Variants in ULK4 observed in about 807,000 individuals in gnomAD.
ULK4 encodes unc-51 like kinase 4.
ULK4 carries 133 observed loss-of-function variants against 160.6 expected under a neutral mutation model. That is an observed-to-expected ratio of 0.83 (90% CI 0.72 to 0.96). ULK4 has a LOEUF of 0.96. ULK4 is among the 40% of genes least tolerant of loss of function. The pLI, the probability that ULK4 is intolerant of heterozygous loss-of-function variation, is 0.00. For missense variants in ULK4, 1,580 were observed against 1,499.5 expected, an observed-to-expected ratio of 1.05 and a Z score of -0.89; for synonymous variants, 534 against 539.8, an observed-to-expected ratio of 0.99 and a Z score of 0.15.
chr3:41,800,142 G>A lies in ULK4; in HGVS notation c.2000C>T (p.Thr667Ile). ...GATGCTTCATCTTACCGATACTGCT[G>A]TTATCCTAAGAGAATCAGCAGTGGA... Reference protein sequence around the residue: ...RHSTADSLRITAVSALCRITR... With the variant: ...RHSTADSLRIIAVSALCRITR... The change falls in exon 20 of 37, where the codon ACA becomes ATA. Residue 667 changes from threonine (T) to isoleucine (I), a missense_variant. Transcript: ENST00000301831. 1 of 1,607,354 alleles carries A rather than the reference G, an allele frequency of 6.2e-7. No individual in the cohort carries two copies.
chr3:41,925,367 C>T (rs983027996), intron 5 of ULK4, among the ~76,000 whole-genome samples: 2 of 152,174 alleles, frequency 1.3e-5, no homozygotes, highest in African/African-American at 4.8e-5. Context: ...CAGTGCACTC[C>T]GGCCCACATA....
chr3:41,818,725 T>C (rs1175695098), intron 19 of ULK4, among the ~76,000 whole-genome samples: 3 of 152,248 alleles, frequency 2.0e-5, no homozygotes, highest in African/African-American at 4.8e-5. Flanking sequence ...TTTATCCTGA[T>C]ATATCTTTCT....
At chr3:41,316,748 T>TA (rs1312802326) in intron 35 of ULK4, among the ~76,000 whole-genome samples, 6 of 152,188 alleles carry the variant, frequency 3.9e-5, no homozygotes, top group African/African-American at 1.4e-4. Context: ...ACTTGAAATT[T>TA]AAAAAATGGA....
intron 27 of ULK4, among the ~76,000 whole-genome samples, chr3:41,684,696 G>A (rs1175977791): frequency 6.6e-6 from 1 of 152,174 alleles, no homozygotes. Context: ...TGGGGACCAT[G>A]GAGATGCCTC....
chr3:41,576,705 TCA>T (rs1375791535), intron 31 of ULK4, among the ~76,000 whole-genome samples: 1 of 152,354 alleles, frequency 6.6e-6, no homozygotes, highest in African/African-American at 2.4e-5. Context: ...CAGTTTATAT[TCA>T]CTTTTGAATA....
intron 29 of ULK4, among the ~76,000 whole-genome samples, chr3:41,678,035 C>T (rs894059686): frequency 2.0e-5 from 3 of 152,170 alleles, no homozygotes; most frequent in Non-Finnish European, 4.4e-5. Flanking sequence ...GGCTCTTCTT[C>T]AGTCTCAAGC....
intron 29 of ULK4, among the ~76,000 whole-genome samples, chr3:41,672,507 A>G (rs777834249): frequency 4.5e-4 from 68 of 152,282 alleles, no homozygotes; most frequent in Non-Finnish European, 8.8e-5. Flanking sequence ...TCTCTCACAT[A>G]GTTAGAGGGT....
At chr3:41,457,221 G>A (rs933093222) in intron 33 of ULK4, among the ~76,000 whole-genome samples, 4 of 152,148 alleles carry the variant, frequency 2.6e-5, no homozygotes, top group African/African-American at 9.7e-5. Context: ...AATCAGCAAT[G>A]AGGCAGCAGT....
intron 35 of ULK4, among the ~76,000 whole-genome samples, chr3:41,392,026 C>A (rs76826904): frequency 2.0e-5 from 3 of 152,076 alleles, no homozygotes; most frequent in Non-Finnish European, 4.4e-5. Flanking sequence ...CAGAACAAAT[C>A]TGTGGTGGTT....
intron 31 of ULK4, among the ~76,000 whole-genome samples, chr3:41,581,603 C>A (rs1236045569): frequency 6.6e-6 from 1 of 152,174 alleles, no homozygotes; most frequent in Admixed American, 6.5e-5. Flanking sequence ...AATGTCATTT[C>A]TTTGACAATC....
intron 34 of ULK4, among the ~76,000 whole-genome samples, chr3:41,416,094 G>T (rs935280553): frequency 1.1e-4 from 17 of 152,258 alleles, no homozygotes; most frequent in Non-Finnish European, 1.6e-4. Context: ...TGACCACGCT[G>T]ATACAGCAGT....
At chr3:41,560,449 T>C (rs1176569544) in intron 32 of ULK4, among the ~76,000 whole-genome samples, 2 of 152,228 alleles carry the variant, frequency 1.3e-5, no homozygotes, top group African/African-American at 2.4e-5. Context: ...TAAATTACCT[T>C]GGGCAGTATG....
At chr3:41,732,239 T>C (rs955233664) in intron 22 of ULK4, among the ~76,000 whole-genome samples, 5 of 152,010 alleles carry the variant, frequency 3.3e-5, no homozygotes, top group Non-Finnish European at 7.4e-5. Context: ...AAGAGGTTAA[T>C]ATCCAGAATA....
At position 41,954,821 on chromosome 3, in the gene ULK4, A is replaced by ATTG. The variant is rs1700429581; in HGVS notation, c.-48-15_-48-14insCAA. 1 of 1,488,360 alleles carries ATTG rather than the reference A, an allele frequency of 6.7e-7. No homozygotes were observed. Among genetic ancestry groups the ATTG allele is most frequent in the Admixed American group, 2.2e-5 (1 of 45,690 alleles). 92.2% of individuals were successfully genotyped at this position (1,488,360 alleles called of 1,614,324 possible). A position where few individuals can be genotyped will look rare whatever the true frequency, so the allele number is the denominator to read the frequency against. On this transcript the variant is annotated splice_polypyrimidine_tract_variant and intron_variant, in intron 1 of 36. Transcript: ENST00000301831. The stretch of plus-strand genomic sequence containing the variant: ...CATCTCTAGCTCCTAAGAAGTAAAC[A>ATTG]AAAATGACATTGATAAATGCAAGTT...
intron 19 of ULK4, among the ~76,000 whole-genome samples, chr3:41,802,382 C>G (rs2040488105): frequency 6.6e-6 from 1 of 152,196 alleles, no homozygotes; most frequent in Admixed American, 6.5e-5. Flanking sequence ...ACTGCAGTCT[C>G]AATCTCCCAG....
chr3:41,714,852 T>TAAAAAAAAAAAAAA lies in ULK4; in HGVS notation c.2634+384_2634+385insTTTTTTTTTTTTTT, dbSNP rs60470015. ...GGGCAACAGAGCGAGACTCTGTCTTTAAAAAAAAAAAAGAAACTGCACATG... is the reference window on the plus strand; with the variant it reads ...GGGCAACAGAGCGAGACTCTGTCTTTAAAAAAAAAAAAAAAAAAAAAAAAAAGAAACTGCACATG... On this transcript the variant is annotated intron_variant, in intron 25 of 36. Transcript: ENST00000301831. Among the ~76,000 whole-genome samples, 322 of 131,302 alleles carry TAAAAAAAAAAAAAA rather than the reference T, an allele frequency of 2.5e-3. 2 individuals are homozygous for TAAAAAAAAAAAAAA. The highest frequency in any genetic ancestry group is 0.01 in the African/African-American group (302 of 30,112). The allele number at this position is 131,302 out of a possible 152,430, so 86.1% of individuals were successfully genotyped here.
chr3:41,400,367 C>G (rs964896623), intron 34 of ULK4, among the ~76,000 whole-genome samples: 16 of 152,162 alleles, frequency 1.1e-4, no homozygotes, highest in South Asian at 8.3e-4. Context: ...CCACTCTCCT[C>G]CATCCCTAAC....
chr3:41,332,620 C>G (rs995980401), intron 35 of ULK4, among the ~76,000 whole-genome samples: 1 of 152,126 alleles, frequency 6.6e-6, no homozygotes, highest in Non-Finnish European at 1.5e-5. Flanking sequence ...CAACTTTAAC[C>G]AAAATTTAAA....
At chr3:41,310,461 G>A (rs921279488) in intron 35 of ULK4, among the ~76,000 whole-genome samples, 1 of 152,138 alleles carries the variant, frequency 6.6e-6, no homozygotes, top group Non-Finnish European at 1.5e-5. Context: ...GCGGGGGAAG[G>A]CAGGGTGTGG....
Sources: allele counts gnomAD v4.1 joint callset (sites outside exome capture counted in the v4.1 genomes callset), GRCh38; gene constraint gnomAD v4.1.1; transcripts MANE v1.5; gene names NCBI Gene and HGNC (gene_info 2026-07-23, HGNC 2026-07-21).